PTPRN2: variants seen among roughly 807,000 people sequenced by gnomAD.
PTPRN2 encodes receptor-type tyrosine-protein phosphatase N2.
PTPRN2 carries 74 observed loss-of-function variants against 118.8 expected under a neutral mutation model. The observed-to-expected ratio is 0.62, with a 90% confidence interval of 0.52 to 0.76. PTPRN2 has a LOEUF of 0.76. Ranked by LOEUF, PTPRN2 falls within the 30% of genes least tolerant of loss-of-function variation. The pLI, the probability that PTPRN2 is intolerant of heterozygous loss-of-function variation, is 0.00. For missense variants in PTPRN2, 1,481 were observed against 1,394.4 expected (o/e 1.06, Z -0.99); for synonymous variants, 641 against 608.0 (o/e 1.05, Z -0.80).
At chr7:158,412,981 G>GC (rs565325602) in intron 2 of PTPRN2, among the ~76,000 whole-genome samples, 29 of 99,056 alleles carry the variant, frequency 2.9e-4, no homozygotes, top group Admixed American at 2.8e-3. Flanking sequence ...CAGCTCCAGG[G>GC]CCCATCCAGC....
chr7:157,930,054 C>A (rs548432372), intron 11 of PTPRN2, among the ~76,000 whole-genome samples: 1 of 152,194 alleles, frequency 6.6e-6, no homozygotes, highest in Admixed American at 6.5e-5. Flanking sequence ...TGCCATCGTG[C>A]ACACTGTTTT....
At chr7:158,056,151 C>T (rs56955261) in intron 11 of PTPRN2, among the ~76,000 whole-genome samples, 3,240 of 152,332 alleles carry the variant, frequency 0.021, 97 homozygotes, top group African/African-American at 0.071. Context: ...CTCCTGCCTT[C>T]GTATTGGCCT....
Position 158,406,560 on chromosome 7 carries a change from A to G in PTPRN2, c.163+83175T>C, listed in dbSNP as rs1373896431. Among the ~76,000 whole-genome samples, 5 of 152,350 alleles carry G rather than the reference A, an allele frequency of 3.3e-5. No individual in the cohort carries two copies. The East Asian group carries it at 7.7e-4, about 23-fold the overall frequency. Reference sequence around the variant, plus strand: ...CATGCCTGGAGCCCCCTGCATCATCATCGGCTCCTTCCCCAGGGCAGGTGC... The same window carrying G: ...CATGCCTGGAGCCCCCTGCATCATCGTCGGCTCCTTCCCCAGGGCAGGTGC... On this transcript the variant is annotated intron_variant, in intron 2 of 22. Coordinates refer to ENST00000389418, the MANE Select transcript of PTPRN2 (RefSeq NM_002847.5).
chr7:158,362,016 T>G (rs1001988302), intron 2 of PTPRN2, among the ~76,000 whole-genome samples: 2 of 152,206 alleles, frequency 1.3e-5, no homozygotes, highest in Non-Finnish European at 2.9e-5. Context: ...GTGGGTTCCA[T>G]CTTTCCTCCG....
intron 12 of PTPRN2, among the ~76,000 whole-genome samples, chr7:157,694,932 A>C (rs185338603): frequency 1.0e-3 from 154 of 152,298 alleles, no homozygotes; most frequent in African/African-American, 3.7e-3. Context: ...TACATTATTC[A>C]TATAGAAGTT....
At chr7:157,770,859 G>T (rs1453255892) in intron 12 of PTPRN2, among the ~76,000 whole-genome samples, 1 of 152,190 alleles carries the variant, frequency 6.6e-6, no homozygotes, top group Non-Finnish European at 1.5e-5. Context: ...ACCTGAGTGT[G>T]GGGGCTGTGG....
At chr7:157,976,816 T>C (rs940194851) in intron 11 of PTPRN2, among the ~76,000 whole-genome samples, 1 of 151,950 alleles carries the variant, frequency 6.6e-6, no homozygotes, top group Non-Finnish European at 1.5e-5. Flanking sequence ...TGTTGTCTTG[T>C]TGATATTAAA....
chr7:158,034,175 C>T (rs925090704), intron 11 of PTPRN2, among the ~76,000 whole-genome samples: 4 of 151,562 alleles, frequency 2.6e-5, no homozygotes, highest in East Asian at 1.9e-4. Flanking sequence ...CCTGGGTGAG[C>T]GTCCCTGGTC....
chr7:158,106,626 C>G (rs977005000), intron 10 of PTPRN2, among the ~76,000 whole-genome samples: 1 of 152,210 alleles, frequency 6.6e-6, no homozygotes, highest in Non-Finnish European at 1.5e-5. Context: ...AGCCTCTCCA[C>G]ACAAACGCCT....
chr7:158,316,232 C>A (rs2151092483), intron 3 of PTPRN2, among the ~76,000 whole-genome samples: 1 of 152,300 alleles, frequency 6.6e-6, no homozygotes, highest in South Asian at 2.1e-4. Flanking sequence ...GCCAGAACTA[C>A]CCTCCGTGGA....
chr7:157,789,126 A>G (rs911347098), intron 12 of PTPRN2, among the ~76,000 whole-genome samples: 2 of 152,224 alleles, frequency 1.3e-5, no homozygotes, highest in African/African-American at 4.8e-5. Flanking sequence ...CCCACACCTG[A>G]TGGGGGAAAT....
chr7:158,137,292 C>T (rs890840632), intron 7 of PTPRN2, among the ~76,000 whole-genome samples: 1 of 152,136 alleles, frequency 6.6e-6, no homozygotes, highest in African/African-American at 2.4e-5. Flanking sequence ...TAGTGCACAC[C>T]TGTAATCCCA....
At chr7:158,340,692 G>C (rs1306245153) in intron 2 of PTPRN2, among the ~76,000 whole-genome samples, 40 of 83,014 alleles carry the variant, frequency 4.8e-4, no homozygotes, top group African/African-American at 1.6e-3. Context: ...ACCATAAGAG[G>C]TGAAACCTGC....
Position 157,910,868 on chromosome 7 carries a change from A to G in PTPRN2, c.1724-12131T>C, listed in dbSNP as rs559293190. ...TTACATCAAGTCATCTGAAAGTAGCATGTTGCCCCAATGTTTGGATGTTTA... is the reference window on the plus strand; with the variant it reads ...TTACATCAAGTCATCTGAAAGTAGCGTGTTGCCCCAATGTTTGGATGTTTA... On this transcript the variant is annotated intron_variant, in intron 11 of 22. Coordinates refer to ENST00000389418, the MANE Select transcript of PTPRN2 (RefSeq NM_002847.5). 1.2e-3 allele frequency among the ~76,000 whole-genome samples: 179 copies of G among 152,378 alleles called. 1 individual carries two copies. Among genetic ancestry groups the G allele is most frequent in the African/African-American group, 4.1e-3 (172 of 41,596 alleles).
chr7:158,306,848 GTTTTTTGTTTTTTTTT>G lies in PTPRN2; in HGVS notation c.277+9955_277+9970del, dbSNP rs1250858544. 8.9e-3 allele frequency among the ~76,000 whole-genome samples: 1,008 copies of G among 113,546 alleles called. 19 individuals carry two copies. The highest frequency in any genetic ancestry group is 0.029 in the African/African-American group (932 of 32,678). 74.5% of individuals were successfully genotyped at this position (113,546 alleles called of 152,430 possible). On this transcript the variant is annotated intron_variant, in intron 3 of 22. Coordinates refer to ENST00000389418, the MANE Select transcript of PTPRN2 (RefSeq NM_002847.5). ...ACAAGACAAAGACTTTAAATGAGCTGTTTTTTGTTTTTTTTTTTTTTTTTTTTTTTTTTTTTTAGAC... is the reference window on the plus strand; with the variant it reads ...ACAAGACAAAGACTTTAAATGAGCTGTTTTTTTTTTTTTTTTTTTTTAGAC...
At chr7:158,067,841 T>C (rs1320252690) in intron 11 of PTPRN2, among the ~76,000 whole-genome samples, 8 of 150,016 alleles carry the variant, frequency 5.3e-5, no homozygotes, top group Admixed American at 2.0e-4. Context: ...TGGGTCACGC[T>C]GGGCCATGGG....
chr7:158,529,914 T>G lies in PTPRN2; in HGVS notation c.113-40129A>C, dbSNP rs1307351847. The stretch of plus-strand genomic sequence containing the variant: ...ACACGTGCCACACACAGCACACATA[T>G]GCACGCTACCACACACATGCACACA... On this transcript the variant is annotated intron_variant, in intron 1 of 22. Transcript: ENST00000389418. This position sits in a 1 kb window ranked among gnomAD's most constrained non-coding sequence, Gnocchi z 4.7. Among the ~76,000 whole-genome samples, 4 of 151,916 alleles carry G rather than the reference T, an allele frequency of 2.6e-5. No individual in the cohort carries two copies. Among genetic ancestry groups the G allele is most frequent in the Non-Finnish European group, 5.9e-5 (4 of 67,964 alleles).
chr7:157,772,228 CACACACAT>C (rs1301656394), intron 12 of PTPRN2, among the ~76,000 whole-genome samples: 1 of 151,808 alleles, frequency 6.6e-6, no homozygotes, highest in East Asian at 1.9e-4. Context: ...GACACAGACA[CACACACAT>C]ACACACAGAC....
intron 2 of PTPRN2, among the ~76,000 whole-genome samples, chr7:158,391,242 G>A (rs1375685673): frequency 6.6e-6 from 1 of 152,216 alleles, no homozygotes; most frequent in East Asian, 1.9e-4. Context: ...GGACCCTCTG[G>A]GGCCAATGGC....
Sources: allele counts gnomAD v4.1 joint callset (sites outside exome capture counted in the v4.1 genomes callset), GRCh38; gene constraint gnomAD v4.1.1; non-coding constraint Gnocchi (gnomAD v3.1); transcripts MANE v1.5; gene names NCBI Gene and HGNC (gene_info 2026-07-23, HGNC 2026-07-21).